ARID1B: variants seen among roughly 807,000 people sequenced by gnomAD.
ARID1B encodes AT-rich interaction domain 1B, also known as AT-rich interactive domain-containing protein 1B.
ARID1B carries 30 observed loss-of-function variants against 212.3 expected under a neutral mutation model. That is an observed-to-expected ratio of 0.14 (90% CI 0.11 to 0.19). The LOEUF is 0.19. Among genes scored for constraint, ARID1B ranks in the 10% least tolerant of loss-of-function variants. ARID1B has a pLI of 1.00. For synonymous variants in ARID1B, 1,402 were observed against 1,301.7 expected (o/e 1.08, Z -1.66); for missense variants, 2,891 against 3,204.0 (o/e 0.90, Z 2.36).
At chr6:156,977,775 G>T (rs1444738452) in intron 4 of ARID1B, among the ~76,000 whole-genome samples, 1 of 152,072 alleles carries the variant, frequency 6.6e-6, no homozygotes, top group Non-Finnish European at 1.5e-5. Flanking sequence ...TGATGACTGG[G>T]TATCTTTCTT....
chr6:156,812,634 G>A (rs1252682390), intron 1 of ARID1B, among the ~76,000 whole-genome samples: 1 of 151,914 alleles, frequency 6.6e-6, no homozygotes, highest in Non-Finnish European at 1.5e-5. Context: ...AAATGAATGG[G>A]CATGGCCTCT....
Position 156,778,535 on chromosome 6 carries a change from C to T in ARID1B, c.855C>T (p.His285=). 1 of 1,232,516 alleles carries T rather than the reference C, an allele frequency of 8.1e-7. No homozygotes were observed. Among genetic ancestry groups the T allele is most frequent in the Non-Finnish European group, 1.0e-6 (1 of 990,910 alleles). 76.3% of individuals were successfully genotyped at this position (1,232,516 alleles called of 1,614,324 possible). ...AGCCGGCGGGCGGCCGCTACGAGCA[C>T]CCGGGCTTGGGCGCCCTGGGCACGC... ...MGEPAGGRYE[H]PGLGALGTQQ... The change falls in exon 1 of 20, where the codon CAC becomes CAT. Residue 285 remains histidine (H), a synonymous_variant. Transcript: ENST00000636930.
chr6:157,039,635 TTCCTTCCTTCTTTCC>T (rs1264532418), intron 4 of ARID1B, among the ~76,000 whole-genome samples: 76 of 125,400 alleles, frequency 6.1e-4, no homozygotes, highest in Non-Finnish European at 1.0e-4. Context: ...CCTTCCTTCC[TTCCTTCCTTCTTTCC>T]TTCCTTCCTT....
At position 157,148,934 on chromosome 6, in the gene ARID1B, G is replaced by T; in HGVS notation, c.3072G>T (p.Ala1024=). 6.2e-7 allele frequency: 1 copy of T among 1,611,880 alleles called. No individual in the cohort carries two copies. Among genetic ancestry groups the T allele is most frequent in the Non-Finnish European group, 8.5e-7 (1 of 1,179,320 alleles). The change falls in exon 8 of 20, where the codon GCG becomes GCT. Residue 1024 remains alanine, a synonymous_variant. Coordinates refer to ENST00000636930, the MANE Select transcript of ARID1B (RefSeq NM_001374828.1). The surrounding 1 kb of genome is among the most constrained non-coding windows in gnomAD (Gnocchi z 5.6). ...EAAAAVMQAA[A]NSAQSRQGSF... is the part of the protein sequence containing the mutation. Reference sequence around the variant, plus strand: ...CCGCAGCAGTGATGCAGGCTGCTGCGAACTCAGCACAAAGCAGGTACGCCA... The same window carrying T: ...CCGCAGCAGTGATGCAGGCTGCTGCTAACTCAGCACAAAGCAGGTACGCCA...
intron 3 of ARID1B, 93 bp from the exon 4 acceptor site, chr6:156,935,373 C>T (rs1463473508): frequency 1.8e-6 from 2 of 1,114,738 alleles, no homozygotes; most frequent in Non-Finnish European, 1.3e-6. Context: ...AGCCACTGTG[C>T]CCAGCCAAGC....
chr6:157,046,357 G>C (rs560859903), intron 4 of ARID1B, among the ~76,000 whole-genome samples: 1 of 152,282 alleles, frequency 6.6e-6, no homozygotes, highest in East Asian at 1.9e-4. Context: ...AGAGCTGTTA[G>C]GGGTCTCACC....
intron 4 of ARID1B, among the ~76,000 whole-genome samples, chr6:157,067,933 C>T (rs1161764993): frequency 6.6e-6 from 1 of 152,120 alleles, no homozygotes; most frequent in Non-Finnish European, 1.5e-5. Flanking sequence ...TTGTGCCATA[C>T]CCCATATGTT....
chr6:156,793,329 CAG>C (rs1278006957), intron 1 of ARID1B, among the ~76,000 whole-genome samples: 1 of 152,120 alleles, frequency 6.6e-6, no homozygotes. Flanking sequence ...CGTGAGTCAG[CAG>C]CTGAGCATTG....
intron 1 of ARID1B, among the ~76,000 whole-genome samples, chr6:156,783,280 A>G (rs1242048482): frequency 6.6e-6 from 1 of 151,994 alleles, no homozygotes; most frequent in Non-Finnish European, 1.5e-5. Context: ...TAACCTCTGA[A>G]TGTCATTTTC....
intron 2 of ARID1B, among the ~76,000 whole-genome samples, chr6:156,895,299 A>G (rs949152716): frequency 3.3e-5 from 5 of 152,228 alleles, no homozygotes; most frequent in African/African-American, 9.6e-5. Flanking sequence ...AGGTTCACCA[A>G]CCTACAGGAC....
chr6:156,979,653 G>A (rs1334559762), intron 4 of ARID1B, among the ~76,000 whole-genome samples: 1 of 151,828 alleles, frequency 6.6e-6, no homozygotes. Context: ...CGCCTCCCAG[G>A]TTCAAGCGAT....
intron 13 of ARID1B, chr6:157,186,101 G>A (rs1792955086): frequency 5.3e-6 from 1 of 189,316 alleles, no homozygotes; most frequent in African/African-American, 2.4e-5. Context: ...CATTTTATTT[G>A]CCAGGAAAGA....
chr6:156,919,881 T>A (rs879339467), intron 3 of ARID1B, among the ~76,000 whole-genome samples: 1 of 152,168 alleles, frequency 6.6e-6, no homozygotes, highest in Non-Finnish European at 1.5e-5. Flanking sequence ...AAGAAAAACT[T>A]CAAACACCTT....
intron 11 of ARID1B, among the ~76,000 whole-genome samples, chr6:157,179,323 C>T (rs938157219): frequency 5.9e-5 from 9 of 152,074 alleles, no homozygotes; most frequent in Non-Finnish European, 4.4e-5. Context: ...AGGTGCTGCC[C>T]GGATGAGAGT....
At chr6:157,167,008 G>A (rs761746804) in intron 8 of ARID1B, 32 bp from the exon 9 acceptor site, 2 of 1,605,316 alleles carry the variant, frequency 1.2e-6, no homozygotes, top group South Asian at 1.1e-5. Context: ...TGCATGGTCG[G>A]TATATGTGTG....
intron 1 of ARID1B, among the ~76,000 whole-genome samples, chr6:156,817,244 G>A (rs1782030910): frequency 6.6e-6 from 1 of 151,894 alleles, no homozygotes; most frequent in Non-Finnish European, 1.5e-5. Flanking sequence ...GCCAGGCGTG[G>A]TGGGCAGGAG....
chr6:157,085,900 A>G (rs1323781642), intron 5 of ARID1B, among the ~76,000 whole-genome samples: 1 of 152,202 alleles, frequency 6.6e-6, no homozygotes, highest in Non-Finnish European at 1.5e-5. Flanking sequence ...CCCAAGCTCT[A>G]TACCTCTTCC....
intron 4 of ARID1B, among the ~76,000 whole-genome samples, chr6:157,073,738 GCT>G (rs1784128006): frequency 6.6e-6 from 1 of 152,158 alleles, no homozygotes; most frequent in Admixed American, 6.5e-5. Flanking sequence ...AGTTTACACT[GCT>G]CTTACCCCAC....
At chr6:157,131,119 C>G (rs960122362) in intron 6 of ARID1B, among the ~76,000 whole-genome samples, 3 of 152,194 alleles carry the variant, frequency 2.0e-5, no homozygotes, top group Non-Finnish European at 4.4e-5. Flanking sequence ...CATCTACCCA[C>G]CAAGCACCTA....
Sources: gnomAD v4.1 joint callset for allele counts (sites outside exome capture counted in the v4.1 genomes callset) on GRCh38, gnomAD v4.1.1 for gene constraint, Gnocchi (gnomAD v3.1) non-coding constraint, MANE v1.5 for transcripts, NCBI Gene and HGNC (gene_info 2026-07-23, HGNC 2026-07-21) for gene names.